FYB1: variants seen among roughly 807,000 people sequenced by gnomAD.
The protein encoded by FYB1 is FYN binding protein 1.
In FYB1, 41 loss-of-function variants were observed where a neutral mutation model predicts 94.1. The ratio of observed to expected loss-of-function variants is 0.44; its 90% CI spans 0.34 to 0.57. FYB1 has a LOEUF of 0.57. Ranked by LOEUF, FYB1 falls within the 20% of genes least tolerant of loss-of-function variation. FYB1 has a pLI of 0.02. For synonymous variants in FYB1, 367 were observed against 353.2 expected (o/e 1.04, Z -0.44); for missense variants, 1,050 against 976.8 (o/e 1.07, Z -1.00).
At position 39,169,167 on chromosome 5, in the gene FYB1, T is replaced by G. The variant is rs575480078; in HGVS notation, c.1136-15563A>C. 41 of 772,218 alleles carry G rather than the reference T, an allele frequency of 5.3e-5. 1 individual carries two copies. In the East Asian group the frequency reaches 1.0e-3, roughly 19 times the overall value. The allele number at this position is 772,218 out of a possible 1,614,324, so 47.8% of individuals were successfully genotyped here. A position where few individuals can be genotyped will look rare whatever the true frequency, so the allele number is the denominator to read the frequency against. On this transcript the variant is annotated intron_variant, in intron 2 of 18. Coordinates refer to ENST00000512982, the MANE Select transcript of FYB1 (RefSeq NM_001465.6). Reference sequence around the variant, plus strand: ...ATTGGCCTTCTTGCAGATCCCAAGTTTAGAAAAAGACAACTAATCATTGCA... The same window carrying G: ...ATTGGCCTTCTTGCAGATCCCAAGTGTAGAAAAAGACAACTAATCATTGCA...
intron 16 of FYB1, among the ~76,000 whole-genome samples, chr5:39,117,232 C>T (rs568944245): frequency 6.6e-6 from 1 of 152,116 alleles, no homozygotes; most frequent in African/African-American, 2.4e-5. Flanking sequence ...GCTATAAATC[C>T]TACACCAAAT....
intron 2 of FYB1, among the ~76,000 whole-genome samples, chr5:39,165,642 T>C (rs1053606680): frequency 5.3e-5 from 8 of 152,138 alleles, no homozygotes; most frequent in Admixed American, 2.0e-4. Context: ...ACAAATGGGA[T>C]TTAACTAAAC....
At chr5:39,140,019 A>T (rs1286464692) in intron 4 of FYB1, 1 of 151,208 alleles carries the variant, frequency 6.6e-6, no homozygotes, top group Non-Finnish European at 1.5e-5. Context: ...CTGCAAAGAG[A>T]TCAAAGACCT....
At chr5:39,269,331 G>A (rs1216642011) in intron 1 of FYB1, among the ~76,000 whole-genome samples, 2 of 152,196 alleles carry the variant, frequency 1.3e-5, no homozygotes, top group African/African-American at 4.8e-5. Context: ...TTACAGGCGT[G>A]AGCCACCACA....
chr5:39,202,977 G>A lies in FYB1; in HGVS notation c.-17C>T. 3 of 1,613,122 alleles carry A rather than the reference G, an allele frequency of 1.9e-6. No homozygotes were observed. The highest frequency in any genetic ancestry group is 2.5e-6 in the Non-Finnish European group (3 of 1,179,680). On this transcript the variant is annotated 5_prime_UTR_variant, in exon 2 of 19. An upstream open reading frame in the 5' UTR gains an earlier in-frame stop. Transcript: ENST00000512982. ...TTTCGCCATGAGGGACTTTACATCT[G>A]CCTTTCCATCCTACAAACATAGGGA...
At chr5:39,128,807 A>G (rs1740913970) in intron 10 of FYB1, among the ~76,000 whole-genome samples, 2 of 152,256 alleles carry the variant, frequency 1.3e-5, no homozygotes, top group South Asian at 4.1e-4. Flanking sequence ...ATACACAAAC[A>G]TGATGAAGGC....
intron 12 of FYB1, among the ~76,000 whole-genome samples, chr5:39,124,807 TGA>T (rs1393970019): frequency 6.6e-6 from 1 of 151,626 alleles, no homozygotes; most frequent in Non-Finnish European, 1.5e-5. Flanking sequence ...AACCAGAGAG[TGA>T]GAGCTTATTA....
intron 1 of FYB1, among the ~76,000 whole-genome samples, chr5:39,229,725 T>C (rs1027806774): frequency 6.6e-6 from 1 of 152,156 alleles, no homozygotes; most frequent in Non-Finnish European, 1.5e-5. Context: ...ATTTTATAGA[T>C]AAGGGCAATC....
rs1421070244 is a variant in FYB1, at chr5:39,180,540, G to A, written c.1135+21286C>T. Among the ~76,000 whole-genome samples, 3 of 152,226 alleles carry A rather than the reference G, an allele frequency of 2.0e-5. No individual in the cohort carries two copies. The East Asian group carries it at 5.8e-4, about 29-fold the overall frequency. On this transcript the variant is annotated intron_variant, in intron 2 of 18. Coordinates refer to ENST00000512982, the MANE Select transcript of FYB1 (RefSeq NM_001465.6). Reference sequence around the variant, plus strand: ...GACCAGACCAACCCAGGAAGACTATGTGGGCAGAACTCTTACCCCTACTTT... The same window carrying A: ...GACCAGACCAACCCAGGAAGACTATATGGGCAGAACTCTTACCCCTACTTT...
intron 12 of FYB1, 87 bp from the exon 13 acceptor site, chr5:39,124,365 A>G (rs1740426935): frequency 2.4e-6 from 2 of 844,354 alleles, no homozygotes; most frequent in East Asian, 6.4e-5. Context: ...TAAAGGGGCA[A>G]TAGCCTAGAG....
chr5:39,190,103 C>A (rs1579617865), intron 2 of FYB1, among the ~76,000 whole-genome samples: 2 of 152,306 alleles, frequency 1.3e-5, no homozygotes, highest in African/African-American at 4.8e-5. Context: ...CCTACATTGG[C>A]TTTTCTACTT....
chr5:39,136,229 C>T lies in FYB1; in HGVS notation c.1516-1215G>A, dbSNP rs186985129. Reference sequence around the variant, plus strand: ...GGACTACAGGTGCCCGCCACCACGCCTGGCCAGTTTTTTGTATTTTTAGTA... The same window carrying T: ...GGACTACAGGTGCCCGCCACCACGCTTGGCCAGTTTTTTGTATTTTTAGTA... On this transcript the variant is annotated intron_variant, in intron 7 of 18. Transcript: ENST00000512982. Among the ~76,000 whole-genome samples the T allele has an allele frequency of 4.8e-3, 735 of 152,078 alleles. 8 individuals are homozygous for T. Among genetic ancestry groups the T allele is most frequent in the African/African-American group, 0.017 (692 of 41,476 alleles).
At position 39,134,368 on chromosome 5, in the gene FYB1, T is replaced by A; in HGVS notation, c.1676-19A>T. The A allele has an allele frequency of 6.4e-7, 1 of 1,570,168 alleles. No individual in the cohort carries two copies. Among genetic ancestry groups the A allele is most frequent in the Non-Finnish European group, 8.7e-7 (1 of 1,147,590 alleles). ...TAGCCATCTACCAAAAAGGGAAATATTTATGTTCAGGCAACTGTAGTTTAA... is the reference window on the plus strand; with the variant it reads ...TAGCCATCTACCAAAAAGGGAAATAATTATGTTCAGGCAACTGTAGTTTAA... On this transcript the variant is annotated intron_variant, in intron 8 of 18. Coordinates refer to ENST00000512982, the MANE Select transcript of FYB1 (RefSeq NM_001465.6).
At chr5:39,244,076 G>A (rs1097206) in intron 1 of FYB1, among the ~76,000 whole-genome samples, 9,375 of 152,046 alleles carry the variant, frequency 0.062, 826 homozygotes, top group East Asian at 0.2. Context: ...ATACAATCAT[G>A]TCATCTGCAA....
chr5:39,264,592 C>T (rs1193900695), intron 1 of FYB1, among the ~76,000 whole-genome samples: 1 of 152,172 alleles, frequency 6.6e-6, no homozygotes, highest in African/African-American at 2.4e-5. Flanking sequence ...CAAGCTCTCT[C>T]CTGCCTCACC....
intron 2 of FYB1, among the ~76,000 whole-genome samples, chr5:39,163,685 G>A (rs752794233): frequency 1.3e-5 from 2 of 152,164 alleles, no homozygotes; most frequent in Non-Finnish European, 2.9e-5. Flanking sequence ...GCGGTAATTA[G>A]ACAGGATATT....
chr5:39,202,397 TTCAAGA>T lies in FYB1; in HGVS notation c.558_563del (p.Asp186_Leu187del). On this transcript the variant is annotated inframe_deletion, in exon 2 of 19. Transcript: ENST00000512982. ...CGGGTTTGGGGAAGAGGGGCTTGGG[TTCAAGA>T]TCTTGTGATGCTGACATAAATTTCC... 6.2e-7 allele frequency: 1 copy of T among 1,613,894 alleles called. No homozygotes were observed. The highest frequency in any genetic ancestry group is 8.5e-7 in the Non-Finnish European group (1 of 1,179,874).
intron 2 of FYB1, chr5:39,170,004 T>C (rs1745099860): frequency 2.7e-6 from 2 of 740,080 alleles, no homozygotes; most frequent in East Asian, 2.6e-5. Context: ...CAAATTGGGA[T>C]GAAGGCCTAG....
intron 1 of FYB1, among the ~76,000 whole-genome samples, chr5:39,259,536 C>T (rs146230865): frequency 1.3e-5 from 2 of 152,234 alleles, no homozygotes; most frequent in African/African-American, 4.8e-5. Flanking sequence ...TCAACAAAGC[C>T]TCCTTGAAAT....
Sources: allele counts gnomAD v4.1 joint callset (sites outside exome capture counted in the v4.1 genomes callset), GRCh38; gene constraint gnomAD v4.1.1; transcripts MANE v1.5; gene names NCBI Gene and HGNC (gene_info 2026-07-23, HGNC 2026-07-21).